NRF1: variants seen among roughly 807,000 people sequenced by gnomAD.
NRF1 encodes the protein alpha palindromic-binding protein.
In NRF1, 5 loss-of-function variants were observed where a neutral mutation model predicts 58.5. That is an observed-to-expected ratio of 0.09 (90% confidence interval 0.04 to 0.18). The LOEUF (loss-of-function observed/expected upper bound fraction) is 0.18, where lower values mean the gene tolerates loss of function less well. NRF1 is among the 10% of genes least tolerant of loss of function. The pLI, the probability that NRF1 is intolerant of heterozygous loss-of-function variation, is 1.00. For synonymous variants in NRF1, 224 were observed against 246.7 expected (o/e 0.91, Z 0.86); for missense variants, 288 against 657.7 (o/e 0.44, Z 6.15).
chr7:129,711,458 T>A lies in NRF1; in HGVS notation c.964-17T>A, dbSNP rs774977178. On this transcript the variant is annotated splice_polypyrimidine_tract_variant and intron_variant, in intron 7 of 10. Coordinates refer to ENST00000393232, the MANE Select transcript of NRF1 (RefSeq NM_005011.5). The stretch of plus-strand genomic sequence containing the variant: ...TCCATCCACTGACACTTAACCACTT[T>A]CCATATTTTTCTTTAGGTTGGTACG... 15 of 1,596,128 alleles carry A rather than the reference T, an allele frequency of 9.4e-6. No individual in the cohort carries two copies. Among genetic ancestry groups the A allele is most frequent in the Non-Finnish European group, 1.2e-5 (14 of 1,167,778 alleles).
At chr7:129,642,757 AT>A (rs1186472112) in intron 1 of NRF1, among the ~76,000 whole-genome samples, 1,240 of 109,728 alleles carry the variant, frequency 0.011, 16 homozygotes, top group Middle Eastern at 0.036. Flanking sequence ...TCTTTAAAAA[AT>A]TTTTTTTTTT....
intron 4 of NRF1, among the ~76,000 whole-genome samples, chr7:129,683,256 A>G (rs1486745990): frequency 6.6e-6 from 1 of 151,710 alleles, no homozygotes; most frequent in East Asian, 1.9e-4. Context: ...TAGAATTTCA[A>G]AAGACAAGAA....
chr7:129,696,029 C>G (rs1355823871), intron 5 of NRF1, among the ~76,000 whole-genome samples: 1 of 138,210 alleles, frequency 7.2e-6, no homozygotes, highest in Non-Finnish European at 1.5e-5. Context: ...TCGAGACCAG[C>G]CTGACCAACA....
At chr7:129,738,077 TGA>T (rs1228508457) in intron 10 of NRF1, among the ~76,000 whole-genome samples, 2 of 152,182 alleles carry the variant, frequency 1.3e-5, no homozygotes, top group Admixed American at 6.5e-5. Context: ...TAGAGTGCCT[TGA>T]GAGAAAATGA....
chr7:129,666,963 A>T (rs1227298292), intron 2 of NRF1, among the ~76,000 whole-genome samples: 1 of 152,238 alleles, frequency 6.6e-6, no homozygotes, highest in Admixed American at 6.5e-5. Context: ...TACAATTTTT[A>T]ATGAAATAAT....
chr7:129,700,197 T>A (rs956617383), intron 5 of NRF1, among the ~76,000 whole-genome samples: 1 of 152,158 alleles, frequency 6.6e-6, no homozygotes, highest in Non-Finnish European at 1.5e-5. Flanking sequence ...GTGAACATAT[T>A]TAGTGCCACT....
Position 129,628,034 on chromosome 7 carries a change from CTTTTTTT to C in NRF1, c.-7+16231_-7+16237del, listed in dbSNP as rs67262888. On this transcript the variant is annotated intron_variant, in intron 1 of 10. Transcript: ENST00000393232. ...CTTACTGTACTATAAGCCAATGGTT[CTTTTTTT>C]TTTTTTTTTTTTTTTTTTTTGAGAC... 1.8e-4 allele frequency among the ~76,000 whole-genome samples: 13 copies of C among 72,094 alleles called. No individual in the cohort carries two copies. The South Asian group carries it at 5.1e-3, about 28-fold the overall frequency. 47.3% of individuals were successfully genotyped at this position (72,094 alleles called of 152,430 possible).
chr7:129,693,264 G>A (rs763404109), intron 5 of NRF1, among the ~76,000 whole-genome samples: 3 of 152,280 alleles, frequency 2.0e-5, no homozygotes, highest in Admixed American at 6.5e-5. Context: ...CTCAGGGGTG[G>A]CACTTTTATT....
chr7:129,676,640 C>CA (rs1802186071), intron 3 of NRF1, among the ~76,000 whole-genome samples: 1 of 152,148 alleles, frequency 6.6e-6, no homozygotes, highest in Non-Finnish European at 1.5e-5. Flanking sequence ...TCACAGATCA[C>CA]TATAACAGAT....
At chr7:129,750,679 T>TG (rs1302554120) in intron 10 of NRF1, among the ~76,000 whole-genome samples, 3 of 152,346 alleles carry the variant, frequency 2.0e-5, no homozygotes, top group Non-Finnish European at 4.4e-5. Context: ...GAGCTTTGGG[T>TG]GGGGACCATT....
At chr7:129,690,960 A>T (rs1299177983) in intron 5 of NRF1, among the ~76,000 whole-genome samples, 1 of 152,218 alleles carries the variant, frequency 6.6e-6, no homozygotes, top group Non-Finnish European at 1.5e-5. Context: ...TTCCATAATT[A>T]TTACTAAGTA....
intron 5 of NRF1, among the ~76,000 whole-genome samples, chr7:129,700,136 A>T (rs1342180680): frequency 1.3e-5 from 2 of 150,816 alleles, no homozygotes; most frequent in Non-Finnish European, 3.0e-5. Context: ...GTGAGACTCC[A>T]TCTCAAAAAA....
chr7:129,736,037 A>T (rs892829935), intron 10 of NRF1, among the ~76,000 whole-genome samples: 5 of 152,222 alleles, frequency 3.3e-5, no homozygotes, highest in African/African-American at 9.6e-5. Context: ...AAATAAAAAA[A>T]TAAAATTATA....
chr7:129,745,398 C>T (rs2116309008), intron 10 of NRF1, among the ~76,000 whole-genome samples: 1 of 152,166 alleles, frequency 6.6e-6, no homozygotes, highest in Non-Finnish European at 1.5e-5. Context: ...CGCCCGAGCT[C>T]CACCTACTGT....
In NRF1 at chr7:129,683,318, TGTGAGAGA is replaced by T. The variant is rs1377057205; in HGVS notation, c.465+5562_465+5569del. ...GTGTGTGTGTGTGTGTGTGTGTGTGTGTGAGAGAGAGAGAGAGAGAGAGAGAGAAAGAG... is the reference window on the plus strand; with the variant it reads ...GTGTGTGTGTGTGTGTGTGTGTGTGTGAGAGAGAGAGAGAGAGAGAAAGAG... On this transcript the variant is annotated intron_variant, in intron 4 of 10. Transcript: ENST00000393232. 7.1e-5 allele frequency among the ~76,000 whole-genome samples: 10 copies of T among 140,646 alleles called. No homozygotes were observed. The South Asian group carries it at 1.2e-3, about 16-fold the overall frequency. The allele number at this position is 140,646 out of a possible 152,430, so 92.3% of individuals were successfully genotyped here. A position where few individuals can be genotyped will look rare whatever the true frequency, so the allele number is the denominator to read the frequency against.
At chr7:129,645,323 A>G (rs529737596) in intron 1 of NRF1, among the ~76,000 whole-genome samples, 78 of 152,342 alleles carry the variant, frequency 5.1e-4, no homozygotes, top group African/African-American at 1.6e-3. Context: ...GAAATGGAAT[A>G]CAGTATTCTG....
chr7:129,726,433 A>G (rs1328030082), intron 9 of NRF1, among the ~76,000 whole-genome samples: 1 of 152,218 alleles, frequency 6.6e-6, no homozygotes, highest in Non-Finnish European at 1.5e-5. Flanking sequence ...TAGCAAGGAA[A>G]AGAAAGAAAA....
At chr7:129,744,130 C>CTTT (rs35034726) in intron 10 of NRF1, 27,237 of 1,202,210 alleles carry the variant, frequency 0.023, 156 homozygotes, top group East Asian at 0.026. Flanking sequence ...TTGCCCGGTG[C>CTTT]TTTTTTTTTT....
chr7:129,663,720 G>T, intron 2 of NRF1, among the ~76,000 whole-genome samples: 1 of 152,162 alleles, frequency 6.6e-6, no homozygotes, highest in Non-Finnish European at 1.5e-5. Flanking sequence ...CTTCCTAGAC[G>T]GGGTGGCGGG....
Sources: gnomAD v4.1 joint callset for allele counts (sites outside exome capture counted in the v4.1 genomes callset) on GRCh38, gnomAD v4.1.1 for gene constraint, MANE v1.5 for transcripts, NCBI Gene and HGNC (gene_info 2026-07-23, HGNC 2026-07-21) for gene names.